Variants in FRMD3 observed in about 807,000 individuals in gnomAD.
The protein encoded by FRMD3 is FERM domain-containing protein 3.
FRMD3 carries 33 observed loss-of-function variants against 70.2 expected under a neutral mutation model. That is an observed-to-expected ratio of 0.47 (90% confidence interval 0.36 to 0.63). The LOEUF is 0.63. Among genes scored for constraint, FRMD3 ranks in the 20% least tolerant of loss-of-function variants. The pLI is 0.00. For synonymous variants in FRMD3, 279 were observed against 255.9 expected (o/e 1.09, Z -0.86); for missense variants, 632 against 711.4 (o/e 0.89, Z 1.27).
chr9:83,465,863 G>T (rs1478164998), intron 1 of FRMD3, among the ~76,000 whole-genome samples: 2 of 152,150 alleles, frequency 1.3e-5, no homozygotes, highest in African/African-American at 4.8e-5. Context: ...ATTTGAGAAA[G>T]TCTTAATCAT....
intron 13 of FRMD3, among the ~76,000 whole-genome samples, chr9:83,284,068 T>A (rs1425351323): frequency 1.8e-4 from 27 of 150,074 alleles, no homozygotes; most frequent in Admixed American, 6.0e-4. Context: ...GTTATTTTTT[T>A]TTTTTTTTTT....
chr9:83,285,148 T>C (rs534288870), intron 13 of FRMD3, among the ~76,000 whole-genome samples: 12 of 152,212 alleles, frequency 7.9e-5, no homozygotes, highest in Non-Finnish European at 1.3e-4. Context: ...GGCAAGACAC[T>C]GTAAGCAACC....
the FRMD3 span, among the ~76,000 whole-genome samples, chr9:83,584,382 TG>T: frequency 6.6e-6 from 1 of 151,826 alleles, no homozygotes; most frequent in Non-Finnish European, 1.5e-5. Flanking sequence ...TCCTCCTCCT[TG>T]TCTTACTCCT....
intron 6 of FRMD3, among the ~76,000 whole-genome samples, chr9:83,326,182 G>C (rs1408879774): frequency 6.6e-6 from 1 of 152,168 alleles, no homozygotes; most frequent in Non-Finnish European, 1.5e-5. Context: ...TCCAAGATTT[G>C]ATGCAAAGAT....
intron 1 of FRMD3, among the ~76,000 whole-genome samples, chr9:83,515,036 C>T (rs1160804851): frequency 6.6e-6 from 1 of 152,120 alleles, no homozygotes; most frequent in Non-Finnish European, 1.5e-5. Flanking sequence ...CTGAAAGTTC[C>T]AAAAACCAGA....
At chr9:83,267,809 G>A (rs1833341534) in intron 13 of FRMD3, among the ~76,000 whole-genome samples, 1 of 152,278 alleles carries the variant, frequency 6.6e-6, no homozygotes, top group Admixed American at 6.5e-5. Context: ...GTTGCACACT[G>A]CACATGTATA....
intron 13 of FRMD3, among the ~76,000 whole-genome samples, chr9:83,284,243 G>A (rs1368862329): frequency 6.6e-6 from 1 of 152,010 alleles, no homozygotes; most frequent in East Asian, 1.9e-4. Flanking sequence ...AACCATAAGG[G>A]GAAAGGTGAT....
intron 1 of FRMD3, among the ~76,000 whole-genome samples, chr9:83,536,930 T>TTAAAAAAA (rs1829904792): frequency 1.6e-5 from 1 of 60,894 alleles, no homozygotes; most frequent in Non-Finnish European, 3.2e-5. Flanking sequence ...TGTATTACAC[T>TTAAAAAAA]AAAAAAAAAA....
intron 13 of FRMD3, among the ~76,000 whole-genome samples, chr9:83,265,211 T>A (rs1439496677): frequency 6.6e-6 from 1 of 151,830 alleles, no homozygotes; most frequent in Non-Finnish European, 1.5e-5. Context: ...TCATCCTGGC[T>A]AACACGGTGA....
intron 6 of FRMD3, among the ~76,000 whole-genome samples, chr9:83,325,992 A>G (rs1300448828): frequency 2.0e-5 from 3 of 152,230 alleles, no homozygotes; most frequent in African/African-American, 7.2e-5. Context: ...CTACAACAGT[A>G]GTAGTTGCAA....
chr9:83,522,555 AT>A (rs1336775764), intron 1 of FRMD3, among the ~76,000 whole-genome samples: 2 of 140,748 alleles, frequency 1.4e-5, no homozygotes, highest in Admixed American at 1.5e-4. Context: ...AATTTTATAT[AT>A]ATATATATAA....
chr9:83,407,878 T>TTCTCTC lies in FRMD3; in HGVS notation c.148-18176_148-18171dup, dbSNP rs147066768. ...CTCTCTCTCTCTCTCTCTCTCATCT[T>TTCTCTC]TCTCTCTCTCTCTCTCTCTCTCTCT... On this transcript the variant is annotated intron_variant, in intron 1 of 13. Coordinates refer to ENST00000304195, the MANE Select transcript of FRMD3 (RefSeq NM_174938.6). Among the ~76,000 whole-genome samples the TTCTCTC allele has an allele frequency of 8.0e-3, 708 of 89,056 alleles. 9 individuals are homozygous for TTCTCTC. The highest frequency in any genetic ancestry group is 0.023 in the South Asian group (60 of 2,650). The allele number at this position is 89,056 out of a possible 152,430, so 58.4% of individuals were successfully genotyped here. A position where few individuals can be genotyped will look rare whatever the true frequency, so the allele number is the denominator to read the frequency against.
rs1019924814 is a variant in FRMD3 at position 83,247,310 on chromosome 9, C to T, written c.*608G>A. On this transcript the variant is annotated 3_prime_UTR_variant, in exon 14 of 14. Transcript: ENST00000304195. ...TTTTAAAAACAAAGTAGCGCCAAAA[C>T]ATTAAAAAAATTCTGATATACCTTT... is the stretch of plus-strand genomic sequence containing the variant. 1.0e-6 allele frequency: 1 copy of T among 983,204 alleles called. No individual in the cohort carries two copies. Among genetic ancestry groups the T allele is most frequent in the Non-Finnish European group, 1.2e-6 (1 of 829,412 alleles). 60.9% of individuals were successfully genotyped at this position (983,204 alleles called of 1,614,324 possible).
At position 83,537,955 on chromosome 9, in the gene FRMD3, G is replaced by C. The variant is rs938092151; in HGVS notation, c.147+130C>G. The C allele has an allele frequency of 9.4e-7, 1 of 1,067,596 alleles. No homozygotes were observed. The highest frequency in any genetic ancestry group is 2.5e-5 in the Admixed American group (1 of 40,136). 66.1% of individuals were successfully genotyped at this position (1,067,596 alleles called of 1,614,324 possible). ...CCCACCCTCAGAGGCCTGAGGAATCGAAATCTGGCTTTCTAGCAGTCCCCC... is the reference window on the plus strand; with the variant it reads ...CCCACCCTCAGAGGCCTGAGGAATCCAAATCTGGCTTTCTAGCAGTCCCCC... On this transcript the variant is annotated intron_variant, in intron 1 of 13. Transcript: ENST00000304195. The surrounding 1 kb of genome is among the most constrained non-coding windows in gnomAD (Gnocchi z 4.1).
At chr9:83,556,296 T>A in the FRMD3 span, among the ~76,000 whole-genome samples, 1 of 152,264 alleles carries the variant, frequency 6.6e-6, no homozygotes, top group East Asian at 1.9e-4. Flanking sequence ...AATTCCTGAA[T>A]TCAGCAAATA....
chr9:83,408,013 C>G lies in FRMD3; in HGVS notation c.148-18305G>C, dbSNP rs574134649. ...CCATGGCAGTCTCCAGGAAGCCAGA[C>G]TTCTCCATCAGCAGCCAGCCTCCTG... On this transcript the variant is annotated intron_variant, in intron 1 of 13. Coordinates refer to ENST00000304195, the MANE Select transcript of FRMD3 (RefSeq NM_174938.6). Among the ~76,000 whole-genome samples the G allele has an allele frequency of 3.9e-3, 588 of 152,116 alleles. 2 individuals are homozygous for G. Among genetic ancestry groups the G allele is most frequent in the African/African-American group, 0.014 (575 of 41,484 alleles).
the FRMD3 span, among the ~76,000 whole-genome samples, chr9:83,551,955 C>T: frequency 3.4e-5 from 5 of 147,568 alleles, no homozygotes; most frequent in African/African-American, 9.9e-5. Flanking sequence ...AATGGTTTTT[C>T]GTGTCTCAAT....
intron 13 of FRMD3, among the ~76,000 whole-genome samples, chr9:83,253,171 G>A (rs1832510965): frequency 6.6e-6 from 1 of 152,044 alleles, no homozygotes; most frequent in African/African-American, 2.4e-5. Context: ...GTAACAGTCT[G>A]TCAGCCCACA....
chr9:83,352,528 C>T (rs1824194800), intron 3 of FRMD3, among the ~76,000 whole-genome samples: 1 of 152,316 alleles, frequency 6.6e-6, no homozygotes, highest in African/African-American at 2.4e-5. Context: ...GAAGCCTTCC[C>T]ACCCAGTTCT....
Sources: gnomAD v4.1 joint callset for allele counts (sites outside exome capture counted in the v4.1 genomes callset) on GRCh38, gnomAD v4.1.1 for gene constraint, Gnocchi (gnomAD v3.1) non-coding constraint, MANE v1.5 for transcripts, NCBI Gene and HGNC (gene_info 2026-07-23, HGNC 2026-07-21) for gene names.